ASAP1: variants seen among roughly 807,000 people sequenced by gnomAD.
ASAP1 encodes the protein ArfGAP with SH3 domain, ankyrin repeat and PH domain 1.
In ASAP1, 43 loss-of-function variants were observed where a neutral mutation model predicts 145.2. The ratio of observed to expected loss-of-function variants is 0.30; its 90% confidence interval spans 0.23 to 0.38. The LOEUF (loss-of-function observed/expected upper bound fraction) is 0.38, where lower values mean the gene tolerates loss of function less well. Among genes scored for constraint, ASAP1 ranks in the 10% least tolerant of loss-of-function variants. ASAP1 has a pLI of 1.00. For synonymous variants in ASAP1, 546 were observed against 515.5 expected (o/e 1.06, Z -0.80); for missense variants, 1,018 against 1,355.3 (o/e 0.75, Z 3.91).
At chr8:130,214,522 G>A (rs758862256) in intron 5 of ASAP1, 34 bp downstream of exon 5, 1 of 1,553,380 alleles carries the variant, frequency 6.4e-7, no homozygotes, top group South Asian at 1.2e-5. Context: ...TGGAAAGGCT[G>A]TAATTCTTTT....
intron 3 of ASAP1, among the ~76,000 whole-genome samples, chr8:130,251,244 C>A (rs930458515): frequency 6.6e-6 from 1 of 151,988 alleles, no homozygotes; most frequent in African/African-American, 2.4e-5. Flanking sequence ...ATAGCGAAAC[C>A]GCATTTCTAC....
chr8:130,072,852 C>T lies in ASAP1; in HGVS notation c.2701+3496G>A, dbSNP rs564081968. Among the ~76,000 whole-genome samples, 115 of 99,292 alleles carry T rather than the reference C, an allele frequency of 1.2e-3. 3 individuals are homozygous for T. The highest frequency in any genetic ancestry group is 5.0e-3 in the African/African-American group (103 of 20,590). 65.1% of individuals were successfully genotyped at this position (99,292 alleles called of 152,430 possible). On this transcript the variant is annotated intron_variant, in intron 27 of 29. Transcript: ENST00000518721. ...GCGCGGGGGGGGGCAGTTTTGGGGA[C>T]TGAGCTCTCACCCGGTGGGACTGGC...
chr8:130,134,076 T>G (rs2097588615), intron 15 of ASAP1, among the ~76,000 whole-genome samples: 1 of 152,138 alleles, frequency 6.6e-6, no homozygotes, highest in Non-Finnish European at 1.5e-5. Context: ...GGGTGAGGCT[T>G]GAGCAGAATC....
At chr8:130,311,011 G>A (rs1586806714) in intron 3 of ASAP1, among the ~76,000 whole-genome samples, 1 of 152,324 alleles carries the variant, frequency 6.6e-6, no homozygotes, top group Non-Finnish European at 1.5e-5. Context: ...TGTGAAGGAG[G>A]CTTTATTTGT....
At position 130,280,220 on chromosome 8, in the gene ASAP1, G is replaced by A. The variant is rs78498421; in HGVS notation, c.187-43226C>T. ...AGACCAGTGCTTGCTCATATTCCTCGCTGTCCCTTTTCTACCTTTACTTCT... is the reference window on the plus strand; with the variant it reads ...AGACCAGTGCTTGCTCATATTCCTCACTGTCCCTTTTCTACCTTTACTTCT... On this transcript the variant is annotated intron_variant, in intron 3 of 29. Transcript: ENST00000518721. Among the ~76,000 whole-genome samples, 16 of 152,280 alleles carry A rather than the reference G, an allele frequency of 1.1e-4. No individual in the cohort carries two copies. The East Asian group carries it at 2.5e-3, about 24-fold the overall frequency.
At chr8:130,250,506 G>C (rs1179241074) in intron 3 of ASAP1, among the ~76,000 whole-genome samples, 1 of 152,150 alleles carries the variant, frequency 6.6e-6, no homozygotes, top group Non-Finnish European at 1.5e-5. Context: ...AGTTTGAAGG[G>C]AATACAAGTG....
rs140553461 is a variant in ASAP1, at chr8:130,100,026, C to A, written c.2402-7883G>T. On this transcript the variant is annotated intron_variant, in intron 24 of 29. Coordinates refer to ENST00000518721, the MANE Select transcript of ASAP1 (RefSeq NM_018482.4). ...TGATTTCCTTTGCACTGGATAAATA[C>A]CCAGTAGTAGAATTGCTCAGTGGTA... Among the ~76,000 whole-genome samples the A allele has an allele frequency of 1.3e-3, 201 of 152,222 alleles. 4 individuals are homozygous for A. The East Asian group carries it at 0.036, about 27-fold the overall frequency.
intron 27 of ASAP1, among the ~76,000 whole-genome samples, chr8:130,074,292 G>C (rs1288090632): frequency 1.3e-5 from 2 of 152,202 alleles, no homozygotes; most frequent in South Asian, 2.1e-4. Context: ...GCTGGGCAGG[G>C]AACTAGATGA....
At chr8:130,066,484 TA>T (rs1202127223) in intron 27 of ASAP1, among the ~76,000 whole-genome samples, 1 of 152,214 alleles carries the variant, frequency 6.6e-6, no homozygotes, top group Non-Finnish European at 1.5e-5. Context: ...GTGCTAGGAT[TA>T]AAGGCTTGAG....
At chr8:130,417,999 G>A (rs1219724730) in intron 1 of ASAP1, among the ~76,000 whole-genome samples, 1 of 152,196 alleles carries the variant, frequency 6.6e-6, no homozygotes, top group East Asian at 1.9e-4. Context: ...GTGCCCAGAT[G>A]GACACGGGGA....
intron 9 of ASAP1, among the ~76,000 whole-genome samples, chr8:130,175,876 T>C (rs183367909): frequency 9.9e-5 from 15 of 152,222 alleles, no homozygotes; most frequent in Admixed American, 5.9e-4. Flanking sequence ...GAAAATAAGC[T>C]CTCGGTAAAT....
At chr8:130,297,042 G>T (rs1001815501) in intron 3 of ASAP1, among the ~76,000 whole-genome samples, 2 of 152,162 alleles carry the variant, frequency 1.3e-5, no homozygotes, top group Admixed American at 6.5e-5. Flanking sequence ...TGATACCAGG[G>T]CAACTGATGG....
At chr8:130,128,706 A>G (rs1287953370) in intron 15 of ASAP1, among the ~76,000 whole-genome samples, 1 of 152,228 alleles carries the variant, frequency 6.6e-6, no homozygotes, top group Non-Finnish European at 1.5e-5. Context: ...TGACTACTGT[A>G]TGTCCCAAAC....
rs560505788 is a variant in ASAP1, at chr8:130,428,799, T to TCACCAC, written c.-28+14655_-28+14660dup. On this transcript the variant is annotated intron_variant, in intron 1 of 29. Transcript: ENST00000518721. ...CACCATCATCATATCATCATCACCATCACCACCACCACCACCATCATTATC... is the reference window on the plus strand; with the variant it reads ...CACCATCATCATATCATCATCACCATCACCACCACCACCACCACCACCATCATTATC... Among the ~76,000 whole-genome samples the TCACCAC allele has an allele frequency of 2.0e-5, 3 of 151,576 alleles. No homozygotes were observed. In the South Asian group the frequency reaches 6.3e-4, roughly 32 times the overall value.
chr8:130,421,669 A>G (rs775495321), intron 1 of ASAP1, among the ~76,000 whole-genome samples: 2 of 152,166 alleles, frequency 1.3e-5, no homozygotes, highest in Non-Finnish European at 2.9e-5. Flanking sequence ...ATGAGCCACC[A>G]CATGGATGAG....
intron 2 of ASAP1, among the ~76,000 whole-genome samples, chr8:130,360,098 C>T (rs565332485): frequency 6.6e-6 from 1 of 152,370 alleles, no homozygotes; most frequent in South Asian, 2.1e-4. Context: ...ACTATGTGCC[C>T]TGGAGATTGA....
chr8:130,387,366 T>C (rs972912232), intron 2 of ASAP1, among the ~76,000 whole-genome samples: 1 of 152,062 alleles, frequency 6.6e-6, no homozygotes, highest in African/African-American at 2.4e-5. Context: ...CAAAACCTCG[T>C]CCCTACTCAA....
At chr8:130,088,771 G>GT (rs1234740665) in intron 25 of ASAP1, among the ~76,000 whole-genome samples, 1 of 152,192 alleles carries the variant, frequency 6.6e-6, no homozygotes, top group African/African-American at 2.4e-5. Flanking sequence ...GAGAATAATG[G>GT]TAACAGTAGC....
intron 3 of ASAP1, among the ~76,000 whole-genome samples, chr8:130,339,074 AG>A (rs1363579047): frequency 6.6e-6 from 1 of 152,248 alleles, no homozygotes; most frequent in Non-Finnish European, 1.5e-5. Context: ...CTCAAGCTCA[AG>A]GAATCCTAAG....
Sources: allele counts gnomAD v4.1 joint callset (sites outside exome capture counted in the v4.1 genomes callset), GRCh38; gene constraint gnomAD v4.1.1; transcripts MANE v1.5; gene names NCBI Gene and HGNC (gene_info 2026-07-23, HGNC 2026-07-21).